The following NOX4 variants were observed in gnomAD, a reference collection of about 807,000 sequenced individuals.
NOX4 encodes NADPH oxidase 4.
A neutral mutation model predicts 87.6 loss-of-function variants in NOX4; 69 were observed. That is an observed-to-expected ratio of 0.79 (90% CI 0.65 to 0.96). NOX4 has a LOEUF of 0.96. Among genes scored for constraint, NOX4 ranks in the 40% least tolerant of loss-of-function variants. NOX4 has a pLI of 0.00. For synonymous variants in NOX4, 275 were observed against 238.2 expected (o/e 1.15, Z -1.42); for missense variants, 680 against 681.5 (o/e 1.00, Z 0.02).
intron 2 of NOX4, among the ~76,000 whole-genome samples, chr11:89,458,834 G>C (rs546252436): frequency 2.6e-5 from 4 of 152,094 alleles, no homozygotes; most frequent in Non-Finnish European, 4.4e-5. Flanking sequence ...AGAGAAAAGG[G>C]AACACTTACA....
chr11:89,396,065 A>T (rs1448450692), intron 11 of NOX4, among the ~76,000 whole-genome samples: 1 of 152,062 alleles, frequency 6.6e-6, no homozygotes, highest in Non-Finnish European at 1.5e-5. Context: ...CTTGATGGGG[A>T]TGGCATTGAA....
upstream of NOX4, among the ~76,000 whole-genome samples, chr11:89,501,344 A>T (rs1038570549): frequency 2.0e-5 from 3 of 152,040 alleles, no homozygotes; most frequent in Non-Finnish European, 2.9e-5. Context: ...ATGATATTAG[A>T]TTGTCCCTCA....
the NOX4 span, among the ~76,000 whole-genome samples, chr11:89,583,982 A>C: frequency 6.6e-6 from 1 of 152,180 alleles, no homozygotes; most frequent in African/African-American, 2.4e-5. Flanking sequence ...GTAATGGTTA[A>C]AATCAATGAT....
chr11:89,459,261 G>T (rs893738382), intron 2 of NOX4, among the ~76,000 whole-genome samples: 2 of 151,956 alleles, frequency 1.3e-5, no homozygotes, highest in East Asian at 1.9e-4. Flanking sequence ...AAACAGGAAC[G>T]TAAAGAATGG....
chr11:89,580,692 T>A, the NOX4 span, among the ~76,000 whole-genome samples: 10 of 152,312 alleles, frequency 6.6e-5, no homozygotes, highest in African/African-American at 1.9e-4. Flanking sequence ...TGGTATTTTT[T>A]AAGTGCTTAT....
At chr11:89,532,729 C>T in the NOX4 span, among the ~76,000 whole-genome samples, 86 of 152,122 alleles carry the variant, frequency 5.7e-4, 1 homozygote, top group Non-Finnish European at 1.1e-3. Context: ...GTTCTGTGTC[C>T]CTACCCAAAT....
intron 12 of NOX4, among the ~76,000 whole-genome samples, chr11:89,367,303 C>T (rs1198175711): frequency 1.3e-5 from 2 of 152,078 alleles, no homozygotes; most frequent in East Asian, 3.9e-4. Context: ...CAAGCCAGAT[C>T]AGTATAAAAA....
chr11:89,533,750 G>A, the NOX4 span: 1 of 152,186 alleles, frequency 6.6e-6, no homozygotes, highest in African/African-American at 2.4e-5. Context: ...AGTAGACTCA[G>A]GAACATTTTC....
chr11:89,563,353 T>C, the NOX4 span, among the ~76,000 whole-genome samples: 1 of 152,170 alleles, frequency 6.6e-6, no homozygotes, highest in African/African-American at 2.4e-5. Context: ...GGAGAGGTAG[T>C]TTGCAGGTGG....
intron 4 of NOX4, among the ~76,000 whole-genome samples, chr11:89,444,975 G>A (rs1234455754): frequency 6.6e-6 from 1 of 152,142 alleles, no homozygotes; most frequent in East Asian, 1.9e-4. Context: ...AGGAGAAATT[G>A]AGATGTGCAC....
chr11:89,499,674 A>C (rs1208368970), upstream of NOX4, among the ~76,000 whole-genome samples: 1 of 152,110 alleles, frequency 6.6e-6, no homozygotes, highest in Non-Finnish European at 1.5e-5. Flanking sequence ...ATATCGATTT[A>C]ATAGCTTAAA....
chr11:89,429,579 C>T (rs1335433182), intron 7 of NOX4, among the ~76,000 whole-genome samples: 1 of 152,120 alleles, frequency 6.6e-6, no homozygotes, highest in African/African-American at 2.4e-5. Context: ...ATACTATAAA[C>T]ACCTCTACGC....
chr11:89,505,640 C>T, the NOX4 span, among the ~76,000 whole-genome samples: 1 of 151,878 alleles, frequency 6.6e-6, no homozygotes, highest in East Asian at 1.9e-4. Flanking sequence ...AGACTAAAAA[C>T]ATCTTGTGGT....
intron 13 of NOX4, among the ~76,000 whole-genome samples, chr11:89,354,393 C>G (rs1937829984): frequency 1.3e-5 from 2 of 152,084 alleles, no homozygotes; most frequent in Non-Finnish European, 2.9e-5. Flanking sequence ...CATATTCCTT[C>G]AACAAGGACA....
At chr11:89,339,031 T>C (rs1252870499) in intron 15 of NOX4, among the ~76,000 whole-genome samples, 2 of 152,148 alleles carry the variant, frequency 1.3e-5, no homozygotes, top group African/African-American at 4.8e-5. Flanking sequence ...TGATGAGTTT[T>C]CAGATCCTAG....
chr11:89,336,252 G>A lies in NOX4; in HGVS notation c.1516-307C>T, dbSNP rs541335668. On this transcript the variant is annotated intron_variant, in intron 16 of 17. Coordinates refer to ENST00000263317, the MANE Select transcript of NOX4 (RefSeq NM_016931.5). ...ATTGTTAGAACTAATCTCCTTGAAT[G>A]CCATTCTGACAAATGGCTAATTTTC... Among the ~76,000 whole-genome samples, 4 of 151,974 alleles carry A rather than the reference G, an allele frequency of 2.6e-5. No individual in the cohort carries two copies. In the South Asian group the frequency reaches 8.3e-4, roughly 32 times the overall value.
chr11:89,536,185 T>C, the NOX4 span, among the ~76,000 whole-genome samples: 1 of 144,294 alleles, frequency 6.9e-6, no homozygotes, highest in Admixed American at 7.1e-5. Context: ...CTCGCTCTGT[T>C]GCTCAGGCTG....
chr11:89,380,298 T>C (rs941905203), intron 11 of NOX4, among the ~76,000 whole-genome samples: 2 of 152,162 alleles, frequency 1.3e-5, no homozygotes, highest in Non-Finnish European at 2.9e-5. Context: ...TGGAAAAAAG[T>C]GTTTCAGTAA....
At chr11:89,490,863 C>T (rs1417138536) in intron 1 of NOX4, 2 of 701,070 alleles carry the variant, frequency 2.9e-6, no homozygotes, top group Non-Finnish European at 5.2e-6. Flanking sequence ...CCCAAGCAAA[C>T]AGAAGTAATC....
Sources: gnomAD v4.1 joint callset for allele counts (sites outside exome capture counted in the v4.1 genomes callset) on GRCh38, gnomAD v4.1.1 for gene constraint, MANE v1.5 for transcripts, NCBI Gene and HGNC (gene_info 2026-07-23, HGNC 2026-07-21) for gene names.